MYMX: variants seen among roughly 807,000 people sequenced by gnomAD.
MYMX encodes myomixer, myoblast fusion factor.
At chr6:44,211,788 T>TTG in the MYMX span, among the ~76,000 whole-genome samples, 1,001 of 126,408 alleles carry the variant, frequency 7.9e-3, 10 homozygotes, top group East Asian at 0.044. Context: ...CAGCTAGGTT[T>TTG]TGTGTGTGTG....
chr6:44,200,278 G>C, the MYMX span, among the ~76,000 whole-genome samples: 1 of 151,662 alleles, frequency 6.6e-6, no homozygotes, highest in Non-Finnish European at 1.5e-5. Flanking sequence ...TAAAAAATTT[G>C]TTTCTCCACT....
chr6:44,212,609 A>G (rs959230463), upstream of MYMX, among the ~76,000 whole-genome samples: 1 of 151,868 alleles, frequency 6.6e-6, no homozygotes, highest in Non-Finnish European at 1.5e-5. Context: ...AATGAAACAA[A>G]AAAACCTGAA....
chr6:44,207,385 C>T, the MYMX span, among the ~76,000 whole-genome samples: 164 of 152,276 alleles, frequency 1.1e-3, no homozygotes, highest in Non-Finnish European at 1.2e-3. Flanking sequence ...GTGATCCACC[C>T]GCCTTGGCCT....
the MYMX span, among the ~76,000 whole-genome samples, chr6:44,205,722 T>C: frequency 0.15 from 23,186 of 151,790 alleles, 2,193 homozygotes; most frequent in East Asian, 0.22. Flanking sequence ...GGCAGGAGAA[T>C]TGCTTAAACC....
At chr6:44,212,438 A>AT (rs1775640673), upstream of MYMX, among the ~76,000 whole-genome samples, 6 of 151,546 alleles carry the variant, frequency 4.0e-5, no homozygotes, top group Non-Finnish European at 8.8e-5. Flanking sequence ...AAATAAATAA[A>AT]AATTTTAAAA....
the MYMX span, among the ~76,000 whole-genome samples, chr6:44,209,385 G>A: frequency 6.6e-6 from 1 of 152,252 alleles, no homozygotes; most frequent in African/African-American, 2.4e-5. Flanking sequence ...GCCTCCCAAA[G>A]TGCTGGGATT....
At chr6:44,199,386 G>A in the MYMX span, among the ~76,000 whole-genome samples, 1 of 151,724 alleles carries the variant, frequency 6.6e-6, no homozygotes. Flanking sequence ...TTTTAGTAGA[G>A]ACAGTTTCAT....
chr6:44,199,039 C>T, the MYMX span, among the ~76,000 whole-genome samples: 1 of 152,170 alleles, frequency 6.6e-6, no homozygotes, highest in Admixed American at 6.5e-5. Flanking sequence ...TTCCCCCTCT[C>T]CCCTACATGT....
In MYMX at chr6:44,217,934, T is replaced by TGTGCACAAAACTG. The variant is rs1775970697; in HGVS notation, c.*208_*209insGTGCACAAAACTG. 2.6e-6 allele frequency: 1 copy of TGTGCACAAAACTG among 389,744 alleles called. No homozygotes were observed. Among genetic ancestry groups the TGTGCACAAAACTG allele is most frequent in the Admixed American group, 4.5e-5 (1 of 22,410 alleles). The allele number at this position is 389,744 out of a possible 1,614,324, so 24.1% of individuals were successfully genotyped here. ...GCCTTGCATCTAGCACAAAACTGAT[T>TGTGCACAAAACTG]ATTGCCCCTCTGTCCTCCAGCAGTT... On this transcript the variant is annotated 3_prime_UTR_variant, in exon 2 of 2. Transcript: ENST00000573382.
chr6:44,199,398 A>T, the MYMX span, among the ~76,000 whole-genome samples: 1 of 151,836 alleles, frequency 6.6e-6, no homozygotes, highest in East Asian at 2.0e-4. Flanking sequence ...CAGTTTCATC[A>T]TGTTGCCCAG....
At chr6:44,216,304 G>A (rs1312651583), upstream of MYMX, among the ~76,000 whole-genome samples, 1 of 152,202 alleles carries the variant, frequency 6.6e-6, no homozygotes, top group Admixed American at 6.5e-5. Flanking sequence ...AGGCTACAGC[G>A]GAGAGGACTG....
chr6:44,203,343 G>A, the MYMX span, among the ~76,000 whole-genome samples: 1 of 152,178 alleles, frequency 6.6e-6, no homozygotes, highest in Non-Finnish European at 1.5e-5. Flanking sequence ...AAGTGTGTGA[G>A]ACAGATCTCC....
At chr6:44,200,719 G>A in the MYMX span, among the ~76,000 whole-genome samples, 1 of 152,034 alleles carries the variant, frequency 6.6e-6, no homozygotes, top group Non-Finnish European at 1.5e-5. Context: ...TTCTCCTCAA[G>A]CTCCTCTGTC....
the MYMX span, among the ~76,000 whole-genome samples, chr6:44,197,709 T>G: frequency 6.6e-6 from 1 of 152,224 alleles, no homozygotes; most frequent in South Asian, 2.1e-4. Flanking sequence ...GATTGCCACC[T>G]CTGATCCTTT....
upstream of MYMX, among the ~76,000 whole-genome samples, chr6:44,212,714 T>TA (rs1282086777): frequency 6.6e-6 from 1 of 151,776 alleles, no homozygotes; most frequent in Admixed American, 6.6e-5. Flanking sequence ...AGCCTTAATA[T>TA]AAAAAAATAC....
At chr6:44,193,710 C>A in the MYMX span, among the ~76,000 whole-genome samples, 3 of 152,196 alleles carry the variant, frequency 2.0e-5, no homozygotes, top group African/African-American at 7.2e-5. Flanking sequence ...TGGCCAGGCG[C>A]GGTGACTCAT....
the MYMX span, among the ~76,000 whole-genome samples, chr6:44,211,120 A>T: frequency 6.6e-6 from 1 of 152,196 alleles, no homozygotes; most frequent in Admixed American, 6.5e-5. Flanking sequence ...AAATAAACAA[A>T]CAAGTAAATA....
chr6:44,195,069 GCAGTGGCACAAGCT>G, the MYMX span, among the ~76,000 whole-genome samples: 2 of 151,918 alleles, frequency 1.3e-5, no homozygotes, highest in African/African-American at 4.8e-5. Context: ...AGGCTGGAGT[GCAGTGGCACAAGCT>G]CAGCTCATTG....
chr6:44,216,652 C>CAA (rs547725984), upstream of MYMX, among the ~76,000 whole-genome samples: 5 of 117,264 alleles, frequency 4.3e-5, no homozygotes, highest in South Asian at 2.9e-4. Context: ...AACTCTGTCT[C>CAA]AAAAAAAAAA....
Sources: allele counts gnomAD v4.1 joint callset (sites outside exome capture counted in the v4.1 genomes callset), GRCh38; gene constraint gnomAD v4.1.1; transcripts MANE v1.5; gene names NCBI Gene and HGNC (gene_info 2026-07-23, HGNC 2026-07-21).